The following RIMKLA variants were observed in gnomAD, a reference collection of about 807,000 sequenced individuals.
RIMKLA encodes the protein ribosomal modification protein rimK like family member A, also known as N-acetylaspartylglutamate synthase A.
RIMKLA carries 14 observed loss-of-function variants against 32.7 expected under a neutral mutation model. That is an observed-to-expected ratio of 0.43 (90% CI 0.28 to 0.67). RIMKLA has a LOEUF of 0.67. Among genes scored for constraint, RIMKLA ranks in the 30% least tolerant of loss-of-function variants. The probability of loss-of-function intolerance (pLI) is 0.18; values close to 1 mark genes in which losing one functional copy is unlikely to be tolerated. For synonymous variants in RIMKLA, 176 were observed against 204.1 expected, an observed-to-expected ratio of 0.86 and a Z score of 1.18; for missense variants, 410 against 519.0, an observed-to-expected ratio of 0.79 and a Z score of 2.04.
chr1:42,387,247 T>A, intron 1 of RIMKLA, among the ~76,000 whole-genome samples: 1 of 151,934 alleles, frequency 6.6e-6, no homozygotes, highest in Middle Eastern at 3.4e-3. Context: ...TATTTATTTA[T>A]TTTTATTTAT....
At chr1:42,385,895 TTTCCTTCTTTCCTTCTTTCC>T (rs1557750127) in intron 1 of RIMKLA, among the ~76,000 whole-genome samples, 3 of 93,940 alleles carry the variant, frequency 3.2e-5, no homozygotes, top group African/African-American at 7.7e-5. Flanking sequence ...TCTTTCTTTC[TTTCCTTCTTTCCTTCTTTCC>T]TTCTTTCTTT....
chr1:42,409,201 CAAAAAAAAAAAA>C lies in RIMKLA; in HGVS notation c.482-764_482-753del, dbSNP rs59543497. Among the ~76,000 whole-genome samples the C allele has an allele frequency of 7.1e-4, 46 of 64,498 alleles. No homozygotes were observed. In the South Asian group the frequency reaches 0.024, roughly 34 times the overall value. 42.3% of individuals were successfully genotyped at this position (64,498 alleles called of 152,430 possible). ...TGGGTGACAGAGCGAGACTCTGTCT[CAAAAAAAAAAAA>C]AAAAAAAAAAAAAAAAAAGCTGATG... On this transcript the variant is annotated intron_variant, in intron 3 of 4. Coordinates refer to ENST00000431473, the MANE Select transcript of RIMKLA (RefSeq NM_173642.4).
rs1272647825 is a variant in RIMKLA at position 42,380,979 on chromosome 1, G to C, written c.45G>C (p.Glu15Asp). The C allele has an allele frequency of 6.9e-7, 1 of 1,452,934 alleles. No homozygotes were observed. Among genetic ancestry groups the C allele is most frequent in the East Asian group, 3.0e-5 (1 of 33,140 alleles). The allele number at this position is 1,452,934 out of a possible 1,614,324, so 90.0% of individuals were successfully genotyped here. A position where few individuals can be genotyped will look rare whatever the true frequency, so the allele number is the denominator to read the frequency against. Reference sequence around the variant, plus strand: ...TCCTGACGGACCGGCGCATCCGCGAGGACTACCCGCAGGTGCAGATCCTGC... The same window carrying C: ...TCCTGACGGACCGGCGCATCCGCGACGACTACCCGCAGGTGCAGATCCTGC... The part of the protein sequence containing the change: ...LWFLTDRRIR[E>D]DYPQVQILRA... Residue 15 changes from glutamate to aspartate, a missense_variant, in exon 1 of 5, where the codon GAG becomes GAC. Transcript: ENST00000431473.
intron 2 of RIMKLA, among the ~76,000 whole-genome samples, chr1:42,400,226 T>G (rs1172705584): frequency 6.6e-6 from 1 of 151,922 alleles, no homozygotes; most frequent in Admixed American, 6.5e-5. Context: ...GAGATATAGC[T>G]AAATATAAGG....
chr1:42,416,586 T>C lies in RIMKLA; in HGVS notation c.*1612T>C, dbSNP rs1393825887. 6.6e-6 allele frequency: 1 copy of C among 152,194 alleles called. No homozygotes were observed. The highest frequency in any genetic ancestry group is 1.5e-5 in the Non-Finnish European group (1 of 68,032). The allele number at this position is 152,194 out of a possible 1,614,324, so 9.4% of individuals were successfully genotyped here. A position where few individuals can be genotyped will look rare whatever the true frequency, so the allele number is the denominator to read the frequency against. On this transcript the variant is annotated 3_prime_UTR_variant, in exon 5 of 5. Coordinates refer to ENST00000431473, the MANE Select transcript of RIMKLA (RefSeq NM_173642.4). ...AAGACCCTTACAAGTTGACAGTTTC[T>C]AAAGAGGGTTCTAGGAATGTTCTGT... is the stretch of plus-strand genomic sequence containing the variant.
At chr1:42,396,691 T>C (rs1294946472) in intron 1 of RIMKLA, among the ~76,000 whole-genome samples, 2 of 152,232 alleles carry the variant, frequency 1.3e-5, no homozygotes, top group Non-Finnish European at 2.9e-5. Flanking sequence ...AGGTCATGTT[T>C]CTGTTGTAAA....
chr1:42,410,661 T>G (rs1643189752), intron 4 of RIMKLA, among the ~76,000 whole-genome samples: 1 of 152,226 alleles, frequency 6.6e-6, no homozygotes, highest in Non-Finnish European at 1.5e-5. Flanking sequence ...ATTAGAAAGC[T>G]ACAGTTTATG....
At position 42,396,011 on chromosome 1, in the gene RIMKLA, C is replaced by T. The variant is rs370479378; in HGVS notation, c.164-3393C>T. Among the ~76,000 whole-genome samples the T allele has an allele frequency of 2.4e-4, 37 of 152,132 alleles. No individual in the cohort carries two copies. The East Asian group carries it at 5.2e-3, about 22-fold the overall frequency. ...ATCCCAGCACTTTGGGAGGCTGAGGCGGGCGGATCACCTGAGGTCAAGAGA... is the reference window on the plus strand; with the variant it reads ...ATCCCAGCACTTTGGGAGGCTGAGGTGGGCGGATCACCTGAGGTCAAGAGA... On this transcript the variant is annotated intron_variant, in intron 1 of 4. Coordinates refer to ENST00000431473, the MANE Select transcript of RIMKLA (RefSeq NM_173642.4).
In RIMKLA at chr1:42,380,909, G is replaced by C. The variant is rs1642880844; in HGVS notation, c.-26G>C. On this transcript the variant is annotated 5_prime_UTR_variant, in exon 1 of 5. Coordinates refer to ENST00000431473, the MANE Select transcript of RIMKLA (RefSeq NM_173642.4). ...CCCGGGGCGCCGAGGGGTCCGCGCC[G>C]CGCGGGGCGCACCGCCCTGGCCGCC... The C allele has an allele frequency of 1.5e-6, 2 of 1,317,034 alleles. No homozygotes were observed. Among genetic ancestry groups the C allele is most frequent in the African/African-American group, 1.5e-5 (1 of 65,318 alleles). The allele number at this position is 1,317,034 out of a possible 1,614,324, so 81.6% of individuals were successfully genotyped here. A position where few individuals can be genotyped will look rare whatever the true frequency, so the allele number is the denominator to read the frequency against.
chr1:42,385,095 C>A (rs187230413), intron 1 of RIMKLA, among the ~76,000 whole-genome samples: 111 of 152,198 alleles, frequency 7.3e-4, no homozygotes, highest in Admixed American at 1.2e-3. Context: ...AGTTTATATC[C>A]CCCCTCCCTC....
Position 42,397,723 on chromosome 1 carries a change from TA to T in RIMKLA, c.164-1671del, listed in dbSNP as rs919039921. ...CTGAGCGATAGCAAGATCCTGTGTCTAAAAAAAAAATAAAATAATACAATAT... is the reference window on the plus strand; with the variant it reads ...CTGAGCGATAGCAAGATCCTGTGTCTAAAAAAAAATAAAATAATACAATAT... On this transcript the variant is annotated intron_variant, in intron 1 of 4. Transcript: ENST00000431473. Among the ~76,000 whole-genome samples the T allele has an allele frequency of 1.1e-4, 16 of 149,546 alleles. No homozygotes were observed. In the East Asian group the frequency reaches 1.6e-3, roughly 15 times the overall value.
intron 1 of RIMKLA, among the ~76,000 whole-genome samples, chr1:42,384,634 G>GTGTA (rs554565993): frequency 4.1e-5 from 6 of 147,224 alleles, no homozygotes; most frequent in Non-Finnish European, 6.0e-5. Flanking sequence ...ATGTGTGTGT[G>GTGTA]TATATATATA....
chr1:42,404,842 T>A (rs910265215), intron 3 of RIMKLA, among the ~76,000 whole-genome samples: 6 of 152,216 alleles, frequency 3.9e-5, no homozygotes, highest in African/African-American at 1.4e-4. Flanking sequence ...TGCCAGTGCC[T>A]CTTCTGTTCT....
chr1:42,420,516 A>T lies in RIMKLA; in HGVS notation c.*5542A>T, dbSNP rs1028894248. On this transcript the variant is annotated 3_prime_UTR_variant, in exon 5 of 5. Transcript: ENST00000431473. ...CATTTATATTCTCACATACAACCAG[A>T]TGGATAGCCATTCCTTTTCTTAATT... 5 of 152,164 alleles carry T rather than the reference A, an allele frequency of 3.3e-5. No homozygotes were observed. Among genetic ancestry groups the T allele is most frequent in the African/African-American group, 1.2e-4 (5 of 41,432 alleles). 9.4% of individuals were successfully genotyped at this position (152,164 alleles called of 1,614,324 possible). A position where few individuals can be genotyped will look rare whatever the true frequency, so the allele number is the denominator to read the frequency against.
intron 1 of RIMKLA, among the ~76,000 whole-genome samples, chr1:42,393,119 T>G (rs1363639788): frequency 6.6e-6 from 1 of 152,178 alleles, no homozygotes; most frequent in Non-Finnish European, 1.5e-5. Flanking sequence ...GGTAACTCCC[T>G]TGATAAAGTA....
chr1:42,394,396 G>A (rs778849811), intron 1 of RIMKLA, among the ~76,000 whole-genome samples: 1 of 152,214 alleles, frequency 6.6e-6, no homozygotes, highest in Non-Finnish European at 1.5e-5. Flanking sequence ...GACTCATTAT[G>A]TATCGGCTTT....
Position 42,416,090 on chromosome 1 carries a change from G to T in RIMKLA, c.*1116G>T, listed in dbSNP as rs1042329953. 6.3e-5 allele frequency: 6 copies of T among 94,556 alleles called. 1 individual carries two copies. The highest frequency in any genetic ancestry group is 1.2e-4 in the Non-Finnish European group (5 of 42,762). 5.9% of individuals were successfully genotyped at this position (94,556 alleles called of 1,614,324 possible). On this transcript the variant is annotated 3_prime_UTR_variant, in exon 5 of 5. Transcript: ENST00000431473. ...GAATTACCCATTGCACATTTTGCGG[G>T]GGGGGGGGCTAATGTAGACATGACA...
At chr1:42,386,174 C>T (rs1191773892) in intron 1 of RIMKLA, among the ~76,000 whole-genome samples, 4 of 151,874 alleles carry the variant, frequency 2.6e-5, no homozygotes, top group East Asian at 1.9e-4. Context: ...CTGCCCACCT[C>T]GGCCTCCAAA....
chr1:42,380,822 G>C lies in RIMKLA; in HGVS notation c.-113G>C. The C allele has an allele frequency of 3.8e-6, 2 of 530,746 alleles. No individual in the cohort carries two copies. Among genetic ancestry groups the C allele is most frequent in the Non-Finnish European group, 5.0e-6 (2 of 397,156 alleles). 32.9% of individuals were successfully genotyped at this position (530,746 alleles called of 1,614,324 possible). On this transcript the variant is annotated 5_prime_UTR_variant, in exon 1 of 5. Coordinates refer to ENST00000431473, the MANE Select transcript of RIMKLA (RefSeq NM_173642.4). The stretch of plus-strand genomic sequence containing the variant: ...GACGCCTGGCGCACCCGCGGGAGCG[G>C]AGCCGTGGCGCGCTCGCCCCGGACG...
Sources: allele counts gnomAD v4.1 joint callset (sites outside exome capture counted in the v4.1 genomes callset), GRCh38; gene constraint gnomAD v4.1.1; transcripts MANE v1.5; gene names NCBI Gene and HGNC (gene_info 2026-07-23, HGNC 2026-07-21).